The following DOP1B variants were observed in gnomAD, a reference collection of about 807,000 sequenced individuals.
The protein encoded by DOP1B is DOP1 leucine zipper like protein B, also known as protein DOP1B.
In DOP1B, 174 loss-of-function variants were observed where a neutral mutation model predicts 233.5. That is an observed-to-expected ratio of 0.75 (90% CI 0.66 to 0.85). The LOEUF (loss-of-function observed/expected upper bound fraction) is 0.85, where lower values mean the gene tolerates loss of function less well. Among genes scored for constraint, DOP1B ranks in the 40% least tolerant of loss-of-function variants. DOP1B has a pLI of 0.00. For missense variants in DOP1B, 2,652 were observed against 2,846.6 expected, an observed-to-expected ratio of 0.93 and a Z score of 1.56; for synonymous variants, 1,190 against 1,185.6, an observed-to-expected ratio of 1.00 and a Z score of -0.08.
At chr21:36,240,094 C>T (rs2066876159) in intron 18 of DOP1B, 139 bp downstream of exon 18, 5 of 1,052,276 alleles carry the variant, frequency 4.8e-6, no homozygotes, top group East Asian at 5.5e-5. Context: ...GTGAGGACTT[C>T]GGCAATTTAA....
chr21:36,211,703 G>T (rs760595684), intron 6 of DOP1B, 52 bp downstream of exon 6: 4 of 1,566,524 alleles, frequency 2.6e-6, no homozygotes, highest in Non-Finnish European at 2.6e-6. Flanking sequence ...CAAGGGGTGG[G>T]ATATAGATCT....
chr21:36,246,662 T>C lies in DOP1B; in HGVS notation c.4682T>C (p.Val1561Ala). 6 of 1,610,584 alleles carry C rather than the reference T, an allele frequency of 3.7e-6. No individual in the cohort carries two copies. Among genetic ancestry groups the C allele is most frequent in the Non-Finnish European group, 3.4e-6 (4 of 1,177,204 alleles). Residue 1561 changes from valine (V) to alanine (A), a missense_variant, in exon 19 of 37, where the codon GTG (valine) becomes GCG (alanine). Physicochemically the swap from Val to Ala is moderately conservative, Grantham distance 64. This residue lies in a region of DOP1B where 2,617 missense variants were observed against 2,794.3 expected (regional missense o/e 0.94). Coordinates refer to ENST00000691173, the MANE Select transcript of DOP1B (RefSeq NM_001320714.2). This position sits in a 1 kb window ranked among gnomAD's most constrained non-coding sequence, Gnocchi z 5.1. ...GTCAAGCAGTATGAAAGCGAATCTG[T>C]GAAGCTCTCTGTCAGGTGCGTTACG... is the stretch of plus-strand genomic sequence containing the variant. Reference protein sequence around the residue: ...DLVKQYESESVKLSVSTTSKR... With the variant: ...DLVKQYESESAKLSVSTTSKR...
At chr21:36,284,642 A>G (rs2835332) in intron 32 of DOP1B, among the ~76,000 whole-genome samples, 62,902 of 151,744 alleles carry the variant, frequency 0.41, 13,132 homozygotes, top group Middle Eastern at 0.51. Flanking sequence ...AATAGACAGC[A>G]TTAGGTGTAT....
chr21:36,278,397 A>C (rs777009671), intron 30 of DOP1B, 42 bp downstream of exon 30: 1 of 1,570,540 alleles, frequency 6.4e-7, no homozygotes, highest in East Asian at 2.2e-5. Context: ...CTGAATCTTC[A>C]GGTGGAAATG....
At chr21:36,263,725 TG>T in intron 25 of DOP1B, 22 bp from the exon 26 acceptor site, 1 of 1,614,070 alleles carries the variant, frequency 6.2e-7, no homozygotes, top group Non-Finnish European at 8.5e-7. Context: ...ATTTTTAATC[TG>T]AAGCTGATTG....
rs1056527204 is a variant in DOP1B at position 36,208,962 on chromosome 21, C to T, written c.681+58C>T. The T allele has an allele frequency of 2.8e-6, 4 of 1,433,442 alleles. No homozygotes were observed. The East Asian group carries it at 8.1e-5, about 29-fold the overall frequency. 88.8% of individuals were successfully genotyped at this position (1,433,442 alleles called of 1,614,324 possible). A position where few individuals can be genotyped will look rare whatever the true frequency, so the allele number is the denominator to read the frequency against. The stretch of plus-strand genomic sequence containing the variant: ...GGAGGCGACATGTGGGCACAGCATC[C>T]TCATGGGCAGGTTGTCACTGAAGCT... On this transcript the variant is annotated intron_variant, in intron 5 of 36. Transcript: ENST00000691173.
intron 2 of DOP1B, among the ~76,000 whole-genome samples, chr21:36,185,237 A>G (rs2066150724): frequency 6.6e-6 from 1 of 152,174 alleles, no homozygotes; most frequent in African/African-American, 2.4e-5. Flanking sequence ...TGTGATGATA[A>G]ATGCATAAGA....
intron 32 of DOP1B, among the ~76,000 whole-genome samples, chr21:36,282,855 A>G (rs1158837269): frequency 1.3e-5 from 2 of 151,824 alleles, no homozygotes; most frequent in East Asian, 3.9e-4. Flanking sequence ...TCATGCCTAT[A>G]ATCCCAGCTA....
At chr21:36,192,571 G>A (rs12627224) in intron 2 of DOP1B, among the ~76,000 whole-genome samples, 104,754 of 151,338 alleles carry the variant, frequency 0.69, 37,071 homozygotes, top group African/African-American at 0.85. Context: ...TTTAGTAGAG[G>A]CCGGTTTTTG....
intron 15 of DOP1B, 47 bp from the exon 16 acceptor site, chr21:36,237,215 G>T: frequency 6.2e-7 from 1 of 1,612,908 alleles, no homozygotes; most frequent in Non-Finnish European, 8.5e-7. Flanking sequence ...AGCGGATGTT[G>T]CCTGTGTTGA....
At chr21:36,281,454 T>A (rs759320880) in intron 31 of DOP1B, 29 bp from the exon 32 acceptor site, 2 of 1,557,272 alleles carry the variant, frequency 1.3e-6, no homozygotes, top group Non-Finnish European at 8.8e-7. Context: ...GTTTTCTCAC[T>A]AAGTAAAACA....
At chr21:36,197,565 G>A (rs1258664448) in intron 2 of DOP1B, among the ~76,000 whole-genome samples, 1 of 152,204 alleles carries the variant, frequency 6.6e-6, no homozygotes, top group Non-Finnish European at 1.5e-5. Flanking sequence ...CCCTGCCCTC[G>A]CACTGTAGAG....
At chr21:36,186,059 T>A (rs538388418) in intron 2 of DOP1B, among the ~76,000 whole-genome samples, 1 of 152,146 alleles carries the variant, frequency 6.6e-6, no homozygotes, top group South Asian at 2.1e-4. Context: ...AAAAATTAGC[T>A]GGGCGTGGTG....
chr21:36,242,151 CATTATTATT>C (rs78154894), intron 18 of DOP1B, among the ~76,000 whole-genome samples: 23 of 143,962 alleles, frequency 1.6e-4, no homozygotes, highest in South Asian at 2.3e-4. Flanking sequence ...GTTCCTTGGG[CATTATTATT>C]ATTATTATTA....
intron 27 of DOP1B, among the ~76,000 whole-genome samples, chr21:36,275,797 T>C (rs778265763): frequency 1.4e-4 from 21 of 151,956 alleles, no homozygotes; most frequent in Admixed American, 3.3e-4. Context: ...AGACAGATCA[T>C]TGGGTGTACC....
At position 36,263,592 on chromosome 21, in the gene DOP1B, G is replaced by A. The variant is rs1271329615; in HGVS notation, c.5362G>A (p.Val1788Ile). ...LQENFSSLLG[V>I]LKESVQLNLA... ...AGAGAACTTTTCTTCACTGTTGGGAGTATTGAAAGAGTCTGTACAGTTGAA... is the reference window on the plus strand; with the variant it reads ...AGAGAACTTTTCTTCACTGTTGGGAATATTGAAAGAGTCTGTACAGTTGAA... The change falls in exon 25 of 37, where the codon GTA becomes ATA. Residue 1788 changes from valine (V) to isoleucine (I), a missense_variant. Val to Ile is a conservative substitution (Grantham distance 29). This residue lies in a region of DOP1B where 2,617 missense variants were observed against 2,794.3 expected (regional missense o/e 0.94). Coordinates refer to ENST00000691173, the MANE Select transcript of DOP1B (RefSeq NM_001320714.2). The A allele has an allele frequency of 1.2e-6, 2 of 1,614,168 alleles. No homozygotes were observed. The highest frequency in any genetic ancestry group is 1.7e-5 in the Admixed American group (1 of 60,010).
intron 22 of DOP1B, among the ~76,000 whole-genome samples, chr21:36,253,077 G>A (rs2067050052): frequency 6.6e-6 from 1 of 152,198 alleles, no homozygotes; most frequent in Non-Finnish European, 1.5e-5. Flanking sequence ...CTTCCCTGGT[G>A]AGGAACCTGG....
At chr21:36,221,540 T>A (rs2066622813) in intron 10 of DOP1B, among the ~76,000 whole-genome samples, 1 of 151,984 alleles carries the variant, frequency 6.6e-6, no homozygotes, top group South Asian at 2.1e-4. Flanking sequence ...AATTTCTTAT[T>A]GATTGACTTT....
chr21:36,177,136 G>A (rs932265428), intron 2 of DOP1B, among the ~76,000 whole-genome samples: 43 of 152,132 alleles, frequency 2.8e-4, no homozygotes, highest in African/African-American at 9.7e-4. Context: ...CTAAGGTGTG[G>A]CAAAGGCTGC....
Sources: gnomAD v4.1 joint callset for allele counts (sites outside exome capture counted in the v4.1 genomes callset) on GRCh38, gnomAD v4.1.1 for gene constraint, gnomAD v4.1.1 regional missense constraint, Gnocchi (gnomAD v3.1) non-coding constraint, MANE v1.5 for transcripts, NCBI Gene and HGNC (gene_info 2026-07-23, HGNC 2026-07-21) for gene names.